The following NCKAP5 variants were observed in gnomAD, a reference collection of about 807,000 sequenced individuals.
NCKAP5 encodes the protein NCK associated protein 5.
In NCKAP5, 92 loss-of-function variants were observed where a neutral mutation model predicts 167.0. The ratio of observed to expected loss-of-function variants is 0.55; its 90% CI spans 0.47 to 0.66. NCKAP5 has a LOEUF of 0.66. NCKAP5 is among the 30% of genes least tolerant of loss of function. The pLI is 0.00. For synonymous variants in NCKAP5, 891 were observed against 877.4 expected (o/e 1.02, Z -0.27); for missense variants, 2,378 against 2,315.0 (o/e 1.03, Z -0.56).
intron 15 of NCKAP5, among the ~76,000 whole-genome samples, chr2:132,777,591 T>C (rs6430374): frequency 0.62 from 94,861 of 151,954 alleles, 30,998 homozygotes; most frequent in East Asian, 0.88. Flanking sequence ...GGAGAGAAAG[T>C]TCCTGGAAAG....
intron 15 of NCKAP5, among the ~76,000 whole-genome samples, chr2:132,775,173 T>C (rs773502644): frequency 9.2e-5 from 14 of 152,196 alleles, no homozygotes; most frequent in Non-Finnish European, 2.1e-4. Flanking sequence ...AGGGCTTGAG[T>C]TGAATGCCAA....
chr2:133,346,948 G>C (rs2150795054), intron 3 of NCKAP5, among the ~76,000 whole-genome samples: 1 of 152,360 alleles, frequency 6.6e-6, no homozygotes, highest in Non-Finnish European at 1.5e-5. Flanking sequence ...TAGACTCGTT[G>C]AGGACTGAGT....
chr2:133,471,414 A>C (rs1679293028), intron 3 of NCKAP5, among the ~76,000 whole-genome samples: 1 of 152,196 alleles, frequency 6.6e-6, no homozygotes, highest in Non-Finnish European at 1.5e-5. Context: ...TCCTAGGAAA[A>C]AGCAAATGAC....
chr2:133,069,602 T>C (rs1296253929), intron 6 of NCKAP5, among the ~76,000 whole-genome samples: 2 of 152,210 alleles, frequency 1.3e-5, no homozygotes, highest in Non-Finnish European at 2.9e-5. Context: ...AGCCTTTTAG[T>C]TCCTATCATT....
At chr2:133,250,448 A>G (rs2088254334) in intron 4 of NCKAP5, among the ~76,000 whole-genome samples, 2 of 151,944 alleles carry the variant, frequency 1.3e-5, no homozygotes, top group African/African-American at 4.8e-5. Flanking sequence ...CATCCTGGGT[A>G]CCCACCACCA....
intron 3 of NCKAP5, among the ~76,000 whole-genome samples, chr2:133,356,554 C>T (rs62180017): frequency 0.2 from 31,002 of 152,070 alleles, 3,230 homozygotes; most frequent in African/African-American, 0.24. Flanking sequence ...ATCTACTTCC[C>T]TAGAGTTAAA....
intron 14 of NCKAP5, among the ~76,000 whole-genome samples, 185 bp from the exon 15 acceptor site, chr2:132,781,414 A>G (rs1683020919): frequency 6.6e-6 from 1 of 152,214 alleles, no homozygotes; most frequent in Non-Finnish European, 1.5e-5. Flanking sequence ...ATGTCAATTT[A>G]GATTTGACAA....
chr2:133,129,838 C>T lies in NCKAP5; in HGVS notation c.341+140G>A, dbSNP rs1050608473. 4 of 961,620 alleles carry T rather than the reference C, an allele frequency of 4.2e-6. No individual in the cohort carries two copies. In the Admixed American group the frequency reaches 1.5e-4, roughly 37 times the overall value. The allele number at this position is 961,620 out of a possible 1,614,324, so 59.6% of individuals were successfully genotyped here. A position where few individuals can be genotyped will look rare whatever the true frequency, so the allele number is the denominator to read the frequency against. ...TCTGAATGCCATAGGATGCTTCAGT[C>T]AGAACAGAAGGTCTAAATGGTTGGT... On this transcript the variant is annotated intron_variant, in intron 6 of 19. Transcript: ENST00000409261.
chr2:133,178,004 C>T (rs541388637), intron 5 of NCKAP5, among the ~76,000 whole-genome samples: 68 of 152,254 alleles, frequency 4.5e-4, no homozygotes, highest in Middle Eastern at 3.4e-3. Context: ...TCTTCCCATC[C>T]CAATAGGGGT....
chr2:132,923,178 T>A (rs886316830), intron 8 of NCKAP5, among the ~76,000 whole-genome samples: 3 of 152,200 alleles, frequency 2.0e-5, no homozygotes, highest in Non-Finnish European at 2.9e-5. Flanking sequence ...GAGAATGAAC[T>A]CCACTTTGGT....
rs571856217 is a variant in NCKAP5 at position 133,045,100 on chromosome 2, A to G, written c.342-50861T>C. On this transcript the variant is annotated intron_variant, in intron 6 of 19. Coordinates refer to ENST00000409261, the MANE Select transcript of NCKAP5 (RefSeq NM_207363.3). ...AAAAGAAAAAAAAAGAGGAGAGATA[A>G]GAAAAGAGAAAATGAGAAAAGAAAG... Among the ~76,000 whole-genome samples the G allele has an allele frequency of 1.2e-4, 18 of 152,058 alleles. No homozygotes were observed. The South Asian group carries it at 3.5e-3, about 30-fold the overall frequency.
chr2:133,641,951 C>G, the NCKAP5 span, among the ~76,000 whole-genome samples: 5 of 152,080 alleles, frequency 3.3e-5, no homozygotes, highest in African/African-American at 4.8e-5. Context: ...AGAAGGATAC[C>G]TTAGGCTGGG....
chr2:133,517,848 A>G (rs776208835), intron 2 of NCKAP5, among the ~76,000 whole-genome samples: 9 of 152,172 alleles, frequency 5.9e-5, no homozygotes, highest in Non-Finnish European at 1.0e-4. Context: ...AGACTGTAGA[A>G]AAAAGCAAAC....
At chr2:133,611,745 A>G in the NCKAP5 span, among the ~76,000 whole-genome samples, 29 of 152,150 alleles carry the variant, frequency 1.9e-4, no homozygotes, top group Non-Finnish European at 3.7e-4. Flanking sequence ...TTCTCTCCAA[A>G]ATAGAGAAGC....
At chr2:133,466,009 T>C (rs1692557217) in intron 3 of NCKAP5, among the ~76,000 whole-genome samples, 1 of 151,994 alleles carries the variant, frequency 6.6e-6, no homozygotes, top group Non-Finnish European at 1.5e-5. Context: ...AGTTCTTTAG[T>C]TTAATGAGAT....
At chr2:133,149,033 A>G (rs929564153) in intron 5 of NCKAP5, among the ~76,000 whole-genome samples, 2 of 152,174 alleles carry the variant, frequency 1.3e-5, no homozygotes, top group Non-Finnish European at 2.9e-5. Context: ...TTTGATAAAA[A>G]TATTTTGTGT....
At chr2:133,063,286 C>T (rs916164426) in intron 6 of NCKAP5, among the ~76,000 whole-genome samples, 7 of 152,118 alleles carry the variant, frequency 4.6e-5, no homozygotes, top group Admixed American at 3.9e-4. Flanking sequence ...GATTTATAAT[C>T]AATAATTCTA....
intron 8 of NCKAP5, among the ~76,000 whole-genome samples, chr2:132,920,341 T>G (rs1323088986): frequency 3.3e-5 from 5 of 152,078 alleles, no homozygotes; most frequent in African/African-American, 7.2e-5. Flanking sequence ...GAGGAGCTGT[T>G]TGCTCATTTT....
chr2:133,088,199 G>A (rs1559126875), intron 6 of NCKAP5, among the ~76,000 whole-genome samples: 3 of 152,166 alleles, frequency 2.0e-5, no homozygotes, highest in Non-Finnish European at 4.4e-5. Flanking sequence ...TTGGCTCCTA[G>A]AATTCCAAAT....
Sources: gnomAD v4.1 joint callset for allele counts (sites outside exome capture counted in the v4.1 genomes callset) on GRCh38, gnomAD v4.1.1 for gene constraint, MANE v1.5 for transcripts, NCBI Gene and HGNC (gene_info 2026-07-23, HGNC 2026-07-21) for gene names.